Variants in PRKN observed in about 807,000 individuals in gnomAD.
PRKN encodes E3 ubiquitin-protein ligase parkin.
A neutral mutation model predicts 59.5 loss-of-function variants in PRKN; 56 were observed. That is an observed-to-expected ratio of 0.94 (90% CI 0.76 to 1.18). The LOEUF (loss-of-function observed/expected upper bound fraction) is 1.18, where lower values mean the gene tolerates loss of function less well. Among genes scored for constraint, PRKN ranks in the 50% most tolerant of loss-of-function variants. PRKN has a pLI of 0.00. For missense variants in PRKN, 657 were observed against 596.4 expected (o/e 1.10, Z -1.06); for synonymous variants, 250 against 222.1 (o/e 1.13, Z -1.12).
intron 5 of PRKN, among the ~76,000 whole-genome samples, chr6:162,040,484 C>T (rs547587953): frequency 2.6e-5 from 4 of 151,092 alleles, no homozygotes; most frequent in African/African-American, 9.7e-5. Flanking sequence ...TGGCTCACTG[C>T]CACCTCTGCC....
intron 2 of PRKN, among the ~76,000 whole-genome samples, chr6:162,300,235 T>C (rs917050613): frequency 3.3e-5 from 5 of 151,164 alleles, no homozygotes; most frequent in Non-Finnish European, 7.4e-5. Context: ...TAAAAACTTA[T>C]TTCTGAACAC....
At chr6:162,263,141 G>A in intron 2 of PRKN, 11 of 304,954 alleles carry the variant, frequency 3.6e-5, no homozygotes, top group Non-Finnish European at 5.7e-5. Context: ...GTGCAGTGGT[G>A]TGATTTCCGC....
chr6:162,210,519 C>T (rs1320110915), intron 3 of PRKN, among the ~76,000 whole-genome samples: 2 of 152,050 alleles, frequency 1.3e-5, no homozygotes, highest in Admixed American at 6.6e-5. Context: ...ACAGTATTTC[C>T]ATCTTAAATC....
intron 7 of PRKN, among the ~76,000 whole-genome samples, chr6:161,640,219 T>C (rs1783688596): frequency 6.6e-6 from 1 of 152,210 alleles, no homozygotes; most frequent in South Asian, 2.1e-4. Flanking sequence ...CCACCCCCAG[T>C]TTTCTGGTTG....
At chr6:161,716,000 T>C in intron 7 of PRKN, 2 of 761,572 alleles carry the variant, frequency 2.6e-6, no homozygotes, top group Non-Finnish European at 4.0e-6. Context: ...CTGTGATCTA[T>C]ATTTAACAAG....
intron 7 of PRKN, among the ~76,000 whole-genome samples, chr6:161,636,219 A>T (rs1783514385): frequency 6.6e-6 from 1 of 152,236 alleles, no homozygotes; most frequent in Non-Finnish European, 1.5e-5. Flanking sequence ...AGCCTAGGGG[A>T]GCCGCATGTC....
chr6:161,500,531 T>G (rs1176729049), intron 9 of PRKN, among the ~76,000 whole-genome samples: 1 of 152,236 alleles, frequency 6.6e-6, no homozygotes, highest in African/African-American at 2.4e-5. Context: ...TTTTCTAGAA[T>G]ATCATATAGC....
intron 7 of PRKN, among the ~76,000 whole-genome samples, chr6:161,679,233 G>A (rs1168313373): frequency 4.6e-5 from 7 of 152,256 alleles, no homozygotes; most frequent in East Asian, 3.9e-4. Flanking sequence ...CTGCAGCTTC[G>A]GTGCCTATAG....
rs767949697 is a variant in PRKN at position 162,581,488 on chromosome 6, C to T, written c.8-138015G>A. On this transcript the variant is annotated intron_variant, in intron 1 of 11. Coordinates refer to ENST00000366898, the MANE Select transcript of PRKN (RefSeq NM_004562.3). ...ACAAATATTTAACTTAGGCCAGGTG[C>T]GGTGGCTCACGCCTGTAATCCCGGC... 2.0e-4 allele frequency among the ~76,000 whole-genome samples: 31 copies of T among 152,202 alleles called. 1 individual carries two copies. Among genetic ancestry groups the T allele is most frequent in the Admixed American group, 3.9e-4 (6 of 15,278 alleles).
chr6:162,518,980 G>T (rs889642897), intron 1 of PRKN, among the ~76,000 whole-genome samples: 25 of 152,062 alleles, frequency 1.6e-4, no homozygotes, highest in Admixed American at 1.2e-3. Flanking sequence ...TGGCTCGGGG[G>T]CTCATGCCTT....
intron 8 of PRKN, among the ~76,000 whole-genome samples, chr6:161,556,916 A>C (rs995905402): frequency 1.3e-5 from 2 of 152,070 alleles, no homozygotes; most frequent in Admixed American, 1.3e-4. Context: ...TTACATGTCA[A>C]ACTATACTGA....
rs1184648635 is a variant in PRKN at position 161,530,796 on chromosome 6, G to T, written c.1083+18058C>A. ...GCCTCCCAAAGTGCTGGGATTACAG[G>T]CGTGAGCCACCACACCTGGCCCAAG... is the stretch of plus-strand genomic sequence containing the variant. On this transcript the variant is annotated intron_variant, in intron 9 of 11. Transcript: ENST00000366898. The surrounding 1 kb of genome is among the most constrained non-coding windows in gnomAD (Gnocchi z 5.0). 1.3e-5 allele frequency among the ~76,000 whole-genome samples: 2 copies of T among 152,050 alleles called. No individual in the cohort carries two copies. Among genetic ancestry groups the T allele is most frequent in the Non-Finnish European group, 2.9e-5 (2 of 68,022 alleles).
chr6:162,552,366 G>T (rs1034200013), intron 1 of PRKN, among the ~76,000 whole-genome samples: 1 of 152,176 alleles, frequency 6.6e-6, no homozygotes, highest in Admixed American at 6.5e-5. Flanking sequence ...GTATGAGCGG[G>T]TGGCGAGAGA....
Position 161,582,066 on chromosome 6 carries a change from G to A in PRKN, c.872-12650C>T, listed in dbSNP as rs1583257172. 6.6e-6 allele frequency among the ~76,000 whole-genome samples: 1 copy of A among 152,214 alleles called. No individual in the cohort carries two copies. Among genetic ancestry groups the A allele is most frequent in the East Asian group, 1.9e-4 (1 of 5,178 alleles). ...CAGCTCACCGTGCCCAGAGCTCCAC[G>A]CATGACTGAATGGTGAATTTGGAAT... On this transcript the variant is annotated intron_variant, in intron 7 of 11. Transcript: ENST00000366898. This position sits in a 1 kb window ranked among gnomAD's most constrained non-coding sequence, Gnocchi z 4.4.
At chr6:161,652,503 T>C (rs941623062) in intron 7 of PRKN, among the ~76,000 whole-genome samples, 1 of 152,238 alleles carries the variant, frequency 6.6e-6, no homozygotes, top group African/African-American at 2.4e-5. Context: ...CATAGGGGTT[T>C]ATGTTGCTTT....
At chr6:161,618,508 A>C (rs774132484) in intron 7 of PRKN, among the ~76,000 whole-genome samples, 2 of 152,248 alleles carry the variant, frequency 1.3e-5, no homozygotes, top group Middle Eastern at 3.4e-3. Context: ...AAAAATACCA[A>C]AAAATTAAAC....
intron 1 of PRKN, among the ~76,000 whole-genome samples, chr6:162,448,865 CTTTCT>C (rs886131663): frequency 6.9e-6 from 1 of 145,480 alleles, no homozygotes; most frequent in Non-Finnish European, 1.5e-5. Context: ...TCCTTTATTT[CTTTCT>C]TTTCCTCTCT....
At position 161,428,493 on chromosome 6, in the gene PRKN, G is replaced by T. The variant is rs905751377; in HGVS notation, c.1084-41616C>A. Among the ~76,000 whole-genome samples, 2 of 152,148 alleles carry T rather than the reference G, an allele frequency of 1.3e-5. No homozygotes were observed. The highest frequency in any genetic ancestry group is 6.5e-5 in the Admixed American group (1 of 15,270). On this transcript the variant is annotated intron_variant, in intron 9 of 11. Coordinates refer to ENST00000366898, the MANE Select transcript of PRKN (RefSeq NM_004562.3). The surrounding 1 kb of genome is among the most constrained non-coding windows in gnomAD (Gnocchi z 4.0). The stretch of plus-strand genomic sequence containing the variant: ...TCCATCTTCGAACCTGGCTGGCATC[G>T]CAGATGCCCGTGCCCAGGGCAGCAG...
chr6:161,967,330 G>C (rs1469118992), intron 6 of PRKN, among the ~76,000 whole-genome samples: 1 of 152,180 alleles, frequency 6.6e-6, no homozygotes, highest in Non-Finnish European at 1.5e-5. Flanking sequence ...TCAACAGACA[G>C]AACTAAATAC....
Sources: allele counts gnomAD v4.1 joint callset (sites outside exome capture counted in the v4.1 genomes callset), GRCh38; gene constraint gnomAD v4.1.1; non-coding constraint Gnocchi (gnomAD v3.1); transcripts MANE v1.5; gene names NCBI Gene and HGNC (gene_info 2026-07-23, HGNC 2026-07-21).